Variants in AFF2 observed in about 807,000 individuals in gnomAD.
AFF2 encodes the protein ALF transcription elongation factor 2, also known as AF4/FMR2 family member 2.
Under a neutral mutation model 76.9 loss-of-function variants are expected in AFF2, and 14 were observed. The observed-to-expected ratio is 0.18, with a 90% CI of 0.12 to 0.28. The LOEUF (loss-of-function observed/expected upper bound fraction) is 0.28. Among genes scored for constraint, AFF2 ranks in the 10% least tolerant of loss-of-function variants. The pLI is 1.00. For synonymous variants in AFF2, 398 were observed against 366.7 expected (o/e 1.09, Z -0.98); for missense variants, 868 against 1,001.1 (o/e 0.87, Z 1.79).
intron 3 of AFF2, among the ~76,000 whole-genome samples, chrX:148,802,034 A>G (rs2070066102): frequency 8.9e-6 from 1 of 112,080 alleles, no homozygotes; most frequent in Non-Finnish European, 1.9e-5. Context: ...CTTCTAGGCT[A>G]TTGTGACCCC....
At position 148,987,356 on chromosome X, in the gene AFF2, C is replaced by T. The variant is rs1299325922; in HGVS notation, c.3624-11C>T. On this transcript the variant is annotated splice_polypyrimidine_tract_variant and intron_variant, in intron 19 of 20. Transcript: ENST00000370460. ...CCAGCCTAACAAGGCTTGTCTCTTT[C>T]CATTTCCCAGGAACACTCCATCCCC... 1.8e-5 allele frequency: 21 copies of T among 1,199,168 alleles called. 1 individual carries two copies. In the Admixed American group the frequency reaches 4.4e-4, roughly 25 times the overall value.
chrX:148,574,943 GGTGTGTGTGTGTGTGT>G (rs781819721), intron 1 of AFF2, among the ~76,000 whole-genome samples: 4 of 95,643 alleles, frequency 4.2e-5, no homozygotes, highest in South Asian at 5.5e-4. Flanking sequence ...ATAGTGCTGG[GGTGTGTGTGTGTGTGT>G]GTGTGTGTGT....
rs151039751 is a variant in AFF2 at position 148,745,605 on chromosome X, G to A, written c.1042-64271G>A. 2.9e-3 allele frequency among the ~76,000 whole-genome samples: 325 copies of A among 111,520 alleles called. 4 individuals carry two copies. Among genetic ancestry groups the A allele is most frequent in the African/African-American group, 0.01 (310 of 30,690 alleles). On this transcript the variant is annotated intron_variant, in intron 3 of 20. Transcript: ENST00000370460. ...TCTTGAAACTTAACCCAGGTTTTCCGTGCCTATGCCTTTATATGAATGTGA... is the reference window on the plus strand; with the variant it reads ...TCTTGAAACTTAACCCAGGTTTTCCATGCCTATGCCTTTATATGAATGTGA...
intron 3 of AFF2, among the ~76,000 whole-genome samples, chrX:148,762,530 A>T (rs1249557646): frequency 1.9e-5 from 2 of 105,048 alleles, no homozygotes; most frequent in South Asian, 8.3e-4. Flanking sequence ...TTCATTATGC[A>T]TTCATTGATT....
chrX:148,831,437 A>T (rs2070452762), intron 4 of AFF2, among the ~76,000 whole-genome samples: 1 of 112,248 alleles, frequency 8.9e-6, no homozygotes, highest in Non-Finnish European at 1.9e-5. Flanking sequence ...GAACTAATAA[A>T]TGTCCATGAA....
rs181909751 is a variant in AFF2, at chrX:148,703,965, G to T, written c.1041+41197G>T. On this transcript the variant is annotated intron_variant, in intron 3 of 20. Coordinates refer to ENST00000370460, the MANE Select transcript of AFF2 (RefSeq NM_002025.4). ...AGTGCAATGGCACAATCATGGCTCA[G>T]TGCAGCCTTGACGTGGACTTCCTGG... is the stretch of plus-strand genomic sequence containing the variant. Among the ~76,000 whole-genome samples, 147 of 108,203 alleles carry T rather than the reference G, an allele frequency of 1.4e-3. 3 individuals carry two copies. Among genetic ancestry groups the T allele is most frequent in the African/African-American group, 4.6e-3 (138 of 29,863 alleles). The allele number at this position is 108,203 out of a possible 115,157, so 94.0% of individuals were successfully genotyped here. A position where few individuals can be genotyped will look rare whatever the true frequency, so the allele number is the denominator to read the frequency against.
At chrX:148,897,221 CTATA>C (rs1171086215) in intron 8 of AFF2, among the ~76,000 whole-genome samples, 24 of 23,424 alleles carry the variant, frequency 1.0e-3, no homozygotes, top group African/African-American at 3.2e-3. Flanking sequence ...CCTTAGTCCA[CTATA>C]TATATATATA....
chrX:148,882,353 T>C (rs2071107134), intron 7 of AFF2, among the ~76,000 whole-genome samples: 1 of 111,799 alleles, frequency 8.9e-6, no homozygotes, highest in African/African-American at 3.3e-5. Context: ...GAACTTGGTT[T>C]TTTGTTCACA....
At chrX:148,780,392 C>T (rs1450699890) in intron 3 of AFF2, among the ~76,000 whole-genome samples, 5 of 112,110 alleles carry the variant, frequency 4.5e-5, no homozygotes, top group African/African-American at 1.3e-4. Context: ...ATCAATCAAA[C>T]GTCCGTTTGG....
rs782072952 is a variant in AFF2 at position 148,854,972 on chromosome X, A to G, written c.1262+11539A>G. Among the ~76,000 whole-genome samples the G allele has an allele frequency of 9.0e-5, 10 of 111,131 alleles. 1 individual carries two copies. Among genetic ancestry groups the G allele is most frequent in the African/African-American group, 3.3e-4 (10 of 30,589 alleles). On this transcript the variant is annotated intron_variant, in intron 7 of 20. Transcript: ENST00000370460. ...GCCACACATAGAAAATGACTCTTTA[A>G]CTCTCTGAAGGTCTCAAAAATTTCA...
intron 1 of AFF2, among the ~76,000 whole-genome samples, chrX:148,637,999 G>A (rs2054049348): frequency 9.1e-6 from 1 of 110,148 alleles, no homozygotes; most frequent in African/African-American, 3.3e-5. Flanking sequence ...ATCTCTAAAT[G>A]GCAGAATCAC....
intron 1 of AFF2, among the ~76,000 whole-genome samples, chrX:148,628,370 A>C (rs2053948621): frequency 9.0e-6 from 1 of 111,714 alleles, no homozygotes; most frequent in Non-Finnish European, 1.9e-5. Flanking sequence ...GGATGAGTCT[A>C]TGGAGATAAC....
intron 1 of AFF2, among the ~76,000 whole-genome samples, chrX:148,608,583 G>A (rs2053696757): frequency 9.2e-6 from 1 of 109,206 alleles, no homozygotes; most frequent in Non-Finnish European, 1.9e-5. Context: ...TGGCGTGATT[G>A]TAGGTCACTG....
chrX:148,556,020 A>G (rs1409120898), intron 1 of AFF2, among the ~76,000 whole-genome samples: 13 of 112,077 alleles, frequency 1.2e-4, no homozygotes, highest in African/African-American at 4.2e-4. Context: ...GGCCACAGAA[A>G]CTGTAGGTGT....
At position 148,809,956 on chromosome X, in the gene AFF2, A is replaced by G. The variant is rs1557271684; in HGVS notation, c.1086+36A>G. The G allele has an allele frequency of 2.6e-6, 3 of 1,158,181 alleles. No homozygotes were observed. The East Asian group carries it at 9.0e-5, about 35-fold the overall frequency. On this transcript the variant is annotated intron_variant, in intron 4 of 20. Transcript: ENST00000370460. ...ACCTTTATTTTTGTGCCTTTTAATA[A>G]TGAAGCAATCTATCTGCTTAAGCTG...
At chrX:148,862,608 ATG>A (rs2070861905) in intron 7 of AFF2, among the ~76,000 whole-genome samples, 1 of 111,163 alleles carries the variant, frequency 9.0e-6, no homozygotes, top group Admixed American at 9.6e-5. Flanking sequence ...AAGGCCAAGA[ATG>A]TGTCCTTTAT....
intron 1 of AFF2, among the ~76,000 whole-genome samples, chrX:148,630,595 C>T (rs1366029105): frequency 3.6e-5 from 4 of 111,403 alleles, no homozygotes; most frequent in Non-Finnish European, 7.5e-5. Flanking sequence ...CTTTTGGGCA[C>T]TTCCCTCCAT....
intron 9 of AFF2, among the ~76,000 whole-genome samples, chrX:148,943,972 G>A (rs2071870061): frequency 8.9e-6 from 1 of 112,288 alleles, no homozygotes; most frequent in African/African-American, 3.2e-5. Flanking sequence ...CAAAAGAGAT[G>A]TAGTCTAAGG....
chrX:148,778,290 G>A (rs1395621316), intron 3 of AFF2, among the ~76,000 whole-genome samples: 1 of 110,943 alleles, frequency 9.0e-6, no homozygotes, highest in Non-Finnish European at 1.9e-5. Flanking sequence ...CGATGTTCGT[G>A]AGGGATATTG....
Sources: allele counts gnomAD v4.1 joint callset (sites outside exome capture counted in the v4.1 genomes callset), GRCh38; gene constraint gnomAD v4.1.1; transcripts MANE v1.5; gene names NCBI Gene and HGNC (gene_info 2026-07-23, HGNC 2026-07-21).